The following HYCC1 variants were observed in gnomAD, a reference collection of about 807,000 sequenced individuals.
HYCC1 encodes the protein hyccin.
chr7:22,976,637 T>C, the HYCC1 span: 6 of 1,054,790 alleles, frequency 5.7e-6, no homozygotes, highest in South Asian at 5.1e-5. Context: ...TCTACTGAAA[T>C]AATTTTCTTA....
chr7:22,905,718 C>T, the HYCC1 span, among the ~76,000 whole-genome samples: 1 of 152,040 alleles, frequency 6.6e-6, no homozygotes, highest in Non-Finnish European at 1.5e-5. Context: ...TGGCATCATG[C>T]ATTCTGGTTT....
chr7:22,944,888 T>C, the HYCC1 span: 4 of 152,504 alleles, frequency 2.6e-5, no homozygotes, highest in Non-Finnish European at 4.4e-5. Flanking sequence ...ATTTTTGATA[T>C]AAAAATGTTT....
the HYCC1 span, among the ~76,000 whole-genome samples, chr7:22,971,341 A>T: frequency 6.7e-6 from 1 of 149,304 alleles, no homozygotes; most frequent in African/African-American, 2.4e-5. Context: ...GATTATTATT[A>T]TCGGATCTCC....
the HYCC1 span, among the ~76,000 whole-genome samples, chr7:22,952,969 A>G: frequency 9.7e-4 from 148 of 152,092 alleles, 1 homozygote; most frequent in Middle Eastern, 3.4e-3. Context: ...GAACAAGACA[A>G]TTTGTATAGA....
the HYCC1 span, among the ~76,000 whole-genome samples, chr7:22,996,086 G>C: frequency 6.6e-6 from 1 of 152,066 alleles, no homozygotes; most frequent in South Asian, 2.1e-4. Flanking sequence ...CTTGAGGTTA[G>C]GAGTTTGAGA....
the HYCC1 span, among the ~76,000 whole-genome samples, chr7:22,920,148 G>T: frequency 7.9e-3 from 1,207 of 152,100 alleles, 19 homozygotes; most frequent in African/African-American, 0.028. Flanking sequence ...GACAACATAG[G>T]GTGGTGTGAT....
At chr7:22,906,434 C>T in the HYCC1 span, among the ~76,000 whole-genome samples, 1 of 151,780 alleles carries the variant, frequency 6.6e-6, no homozygotes, top group South Asian at 2.1e-4. Flanking sequence ...AAAAATCAGC[C>T]GAGCATGGTA....
At chr7:22,923,694 A>T in the HYCC1 span, among the ~76,000 whole-genome samples, 2 of 152,212 alleles carry the variant, frequency 1.3e-5, no homozygotes, top group Non-Finnish European at 2.9e-5. Context: ...TGCACAAATT[A>T]GAAGTAAAAT....
chr7:22,950,253 C>T, the HYCC1 span, among the ~76,000 whole-genome samples: 2 of 151,940 alleles, frequency 1.3e-5, no homozygotes, highest in African/African-American at 4.8e-5. Context: ...TTTAATAGCC[C>T]CCACGTTTCA....
the HYCC1 span, among the ~76,000 whole-genome samples, chr7:23,007,021 A>G: frequency 6.6e-6 from 1 of 152,230 alleles, no homozygotes; most frequent in Non-Finnish European, 1.5e-5. Flanking sequence ...AATGTAAATT[A>G]TATTAAGTGC....
At chr7:22,923,475 C>G in the HYCC1 span, among the ~76,000 whole-genome samples, 101 of 152,038 alleles carry the variant, frequency 6.6e-4, 1 homozygote, top group South Asian at 0.016. Flanking sequence ...AATCAATAAC[C>G]TAATCTTCCA....
chr7:22,912,269 A>G, the HYCC1 span, among the ~76,000 whole-genome samples: 1 of 152,196 alleles, frequency 6.6e-6, no homozygotes, highest in African/African-American at 2.4e-5. Flanking sequence ...CCCTCTCCCA[A>G]CTTTATTCAC....
At chr7:22,960,603 A>C in the HYCC1 span, among the ~76,000 whole-genome samples, 1 of 152,236 alleles carries the variant, frequency 6.6e-6, no homozygotes, top group African/African-American at 2.4e-5. Context: ...TGGTTAAAAA[A>C]ATATGTAAAT....
At chr7:22,990,768 T>TGA in the HYCC1 span, among the ~76,000 whole-genome samples, 1 of 152,210 alleles carries the variant, frequency 6.6e-6, no homozygotes, top group Non-Finnish European at 1.5e-5. Flanking sequence ...GAATCACTGA[T>TGA]GGTCGCTGGA....
At chr7:22,963,520 AG>A in the HYCC1 span, among the ~76,000 whole-genome samples, 2 of 152,244 alleles carry the variant, frequency 1.3e-5, no homozygotes, top group African/African-American at 2.4e-5. Context: ...TGAAACACAA[AG>A]AAAAAAGATA....
chr7:22,942,854 C>G, the HYCC1 span: 1 of 152,074 alleles, frequency 6.6e-6, no homozygotes, highest in African/African-American at 2.4e-5. Context: ...TTCATAATTT[C>G]TATAAAAACT....
chr7:22,972,871 T>A, the HYCC1 span, among the ~76,000 whole-genome samples: 1 of 152,216 alleles, frequency 6.6e-6, no homozygotes, highest in Non-Finnish European at 1.5e-5. Context: ...TGAATTTGTG[T>A]GAGCATAGGT....
the HYCC1 span, among the ~76,000 whole-genome samples, chr7:22,905,746 A>G: frequency 6.6e-6 from 1 of 152,182 alleles, no homozygotes; most frequent in African/African-American, 2.4e-5. Context: ...AGAATATAAA[A>G]TGTTTTATGT....
At chr7:22,903,129 T>A in the HYCC1 span, among the ~76,000 whole-genome samples, 2 of 152,126 alleles carry the variant, frequency 1.3e-5, no homozygotes, top group Non-Finnish European at 2.9e-5. Context: ...TGGGGGAGTA[T>A]AAAATAAAGC....
Sources: gnomAD v4.1 joint callset for allele counts (sites outside exome capture counted in the v4.1 genomes callset) on GRCh38, gnomAD v4.1.1 for gene constraint, MANE v1.5 for transcripts, NCBI Gene and HGNC (gene_info 2026-07-23, HGNC 2026-07-21) for gene names.